The following MEF2C variants were observed in gnomAD, a reference collection of about 807,000 sequenced individuals.
The protein encoded by MEF2C is myocyte-specific enhancer factor 2C.
A neutral mutation model predicts 50.5 loss-of-function variants in MEF2C; 6 were observed. The ratio of observed to expected loss-of-function variants is 0.12; its 90% CI spans 0.07 to 0.23. The LOEUF is 0.23. Ranked by LOEUF, MEF2C falls within the 10% of genes least tolerant of loss-of-function variation. The probability of loss-of-function intolerance (pLI) is 1.00; values close to 1 mark genes in which losing one functional copy is unlikely to be tolerated. For missense variants in MEF2C, 276 were observed against 605.0 expected, an observed-to-expected ratio of 0.46 and a Z score of 5.70; for synonymous variants, 183 against 228.0, an observed-to-expected ratio of 0.80 and a Z score of 1.78.
intron 1 of MEF2C, among the ~76,000 whole-genome samples, chr5:88,873,971 G>A (rs1188875039): frequency 2.0e-5 from 3 of 151,752 alleles, no homozygotes; most frequent in Non-Finnish European, 2.9e-5. Flanking sequence ...AGATATTAAT[G>A]TTAACTGTAA....
At chr5:88,832,270 A>G (rs1813360314) in intron 1 of MEF2C, among the ~76,000 whole-genome samples, 1 of 152,136 alleles carries the variant, frequency 6.6e-6, no homozygotes, top group Admixed American at 6.6e-5. Flanking sequence ...ATAAATCAAT[A>G]ATAACTTTTA....
At chr5:88,781,746 C>G (rs193025930) in intron 3 of MEF2C, among the ~76,000 whole-genome samples, 1 of 152,064 alleles carries the variant, frequency 6.6e-6, no homozygotes, top group Non-Finnish European at 1.5e-5. Context: ...CCGAGGCAAG[C>G]GGACCACTTG....
chr5:88,797,066 G>A (rs1796308749), intron 3 of MEF2C, among the ~76,000 whole-genome samples: 1 of 152,170 alleles, frequency 6.6e-6, no homozygotes, highest in African/African-American at 2.4e-5. Flanking sequence ...TAGGATAAGT[G>A]TGATATGGTG....
intron 3 of MEF2C, among the ~76,000 whole-genome samples, chr5:88,762,787 A>G (rs996324070): frequency 5.3e-5 from 8 of 152,164 alleles, no homozygotes; most frequent in African/African-American, 1.7e-4. Context: ...TCATTAATGG[A>G]AAGTTCAGCA....
chr5:88,849,278 T>A (rs1820441780), intron 1 of MEF2C, among the ~76,000 whole-genome samples: 1 of 152,148 alleles, frequency 6.6e-6, no homozygotes, highest in African/African-American at 2.4e-5. Context: ...ATGCTCCAAC[T>A]GCTTAACCCT....
chr5:88,868,552 C>G (rs1222978252), intron 1 of MEF2C, among the ~76,000 whole-genome samples: 1 of 152,122 alleles, frequency 6.6e-6, no homozygotes, highest in East Asian at 1.9e-4. Flanking sequence ...TGACACCCCC[C>G]ACCCAATACT....
chr5:88,742,363 T>C, intron 6 of MEF2C: 1 of 984,910 alleles, frequency 1.0e-6, no homozygotes, highest in South Asian at 4.7e-5. Context: ...AAATTCTGAA[T>C]AAAACTAGTA....
chr5:88,883,815 C>G (rs2150141656), upstream of MEF2C: 1 of 152,222 alleles, frequency 6.6e-6, no homozygotes, highest in Middle Eastern at 3.4e-3. Context: ...CAGCAGCTCC[C>G]TCCTCACCCC....
chr5:88,847,913 C>G (rs533152161), intron 1 of MEF2C, among the ~76,000 whole-genome samples: 1 of 152,210 alleles, frequency 6.6e-6, no homozygotes, highest in South Asian at 2.1e-4. Flanking sequence ...CAAAGTTCCT[C>G]ACATTTGAAT....
chr5:88,831,448 A>G (rs1430451582), intron 1 of MEF2C, among the ~76,000 whole-genome samples: 1 of 151,584 alleles, frequency 6.6e-6, no homozygotes, highest in African/African-American at 2.4e-5. Context: ...TATGTCCTTG[A>G]AAATAATTTG....
chr5:88,730,422 A>C (rs768540391), intron 7 of MEF2C, among the ~76,000 whole-genome samples, 188 bp from the exon 8 acceptor site: 1 of 152,174 alleles, frequency 6.6e-6, no homozygotes, highest in Non-Finnish European at 1.5e-5. Context: ...TGTTTGTCTC[A>C]AATGTGAAGA....
chr5:88,820,181 T>A (rs1463857733), intron 2 of MEF2C, among the ~76,000 whole-genome samples: 1 of 152,004 alleles, frequency 6.6e-6, no homozygotes, highest in African/African-American at 2.4e-5. Flanking sequence ...TATTTTTACA[T>A]ACTTGCTTAA....
chr5:88,789,300 A>G (rs897061782), intron 3 of MEF2C, among the ~76,000 whole-genome samples: 9 of 151,662 alleles, frequency 5.9e-5, no homozygotes, highest in African/African-American at 2.2e-4. Context: ...CTGCGTAGCT[A>G]GGAGTACAGG....
chr5:88,738,180 A>C (rs1469051538), intron 6 of MEF2C: 2 of 985,158 alleles, frequency 2.0e-6, no homozygotes, highest in Non-Finnish European at 2.4e-6. Context: ...TCTCAATAGA[A>C]GTATTTCCCT....
chr5:88,816,465 CTTT>C (rs70996497), intron 2 of MEF2C, among the ~76,000 whole-genome samples: 43 of 86,130 alleles, frequency 5.0e-4, no homozygotes, highest in African/African-American at 9.4e-4. Context: ...CTGCCTACTG[CTTT>C]TTTTTTTTTT....
intron 1 of MEF2C, among the ~76,000 whole-genome samples, chr5:88,860,493 T>C (rs553154344): frequency 6.6e-6 from 1 of 151,204 alleles, no homozygotes; most frequent in Admixed American, 6.6e-5. Context: ...GAAATTGTAA[T>C]TTTTTTTTCA....
intron 1 of MEF2C, among the ~76,000 whole-genome samples, chr5:88,828,306 T>G (rs304152): frequency 0.43 from 64,981 of 151,844 alleles, 15,998 homozygotes; most frequent in African/African-American, 0.68. Flanking sequence ...CATGTATTTT[T>G]CTGCAATAAG....
chr5:88,899,344 A>T (rs575675989), intron 1 of MEF2C, among the ~76,000 whole-genome samples: 6 of 152,154 alleles, frequency 3.9e-5, no homozygotes, highest in African/African-American at 1.4e-4. Context: ...GTCATTGCAG[A>T]CAGGAACCCA....
At chr5:88,729,412 A>T (rs1760417005) in intron 8 of MEF2C, 65 bp from the exon 9 acceptor site, 17 of 1,385,496 alleles carry the variant, frequency 1.2e-5, no homozygotes, top group Non-Finnish European at 1.7e-5. Flanking sequence ...ATTAGATTTC[A>T]GTATTAGTTT....
Sources: gnomAD v4.1 joint callset for allele counts (sites outside exome capture counted in the v4.1 genomes callset) on GRCh38, gnomAD v4.1.1 for gene constraint, MANE v1.5 for transcripts, NCBI Gene and HGNC (gene_info 2026-07-23, HGNC 2026-07-21) for gene names.